HSD3B7: variants seen among roughly 807,000 people sequenced by gnomAD.
HSD3B7 encodes hydroxy-delta-5-steroid dehydrogenase, 3 beta- and steroid delta-isomerase 7.
Under a neutral mutation model 34.3 loss-of-function variants are expected in HSD3B7, and 35 were observed. That is an observed-to-expected ratio of 1.02 (90% confidence interval 0.78 to 1.35). HSD3B7 has a LOEUF of 1.35. Ranked by LOEUF, HSD3B7 falls within the 40% of genes most tolerant of loss-of-function variation. The pLI, the probability that HSD3B7 is intolerant of heterozygous loss-of-function variation, is 0.00. For missense variants in HSD3B7, 426 were observed against 504.7 expected (o/e 0.84, Z 1.49); for synonymous variants, 217 against 220.1 (o/e 0.99, Z 0.13).
At chr16:30,985,993 G>A in intron 2 of HSD3B7, 56 bp from the exon 3 acceptor site, 1 of 1,598,446 alleles carries the variant, frequency 6.3e-7, no homozygotes, top group Non-Finnish European at 8.5e-7. Context: ...GATGAACCCA[G>A]CCTCTGGCCT....
Position 30,988,139 on chromosome 16 carries a change from C to T in HSD3B7, c.1066C>T (p.Arg356Cys), listed in dbSNP as rs1467691060. The T allele has an allele frequency of 1.5e-5, 24 of 1,607,106 alleles. No homozygotes were observed. The highest frequency in any genetic ancestry group is 2.2e-5 in the South Asian group (2 of 90,844). ...GTTCTCGTGGGAGGATAGCCGGACC[C>T]GTACCATTCTCTGGGTACAGGCCGC... ...PLFSWEDSRT[R>C]TILWVQAATG... is the part of the protein sequence containing the mutation. Residue 356 changes from arginine (R) to cysteine (C), a missense_variant, in exon 7 of 7, where the codon CGT becomes TGT. Arg to Cys is a radical substitution (Grantham distance 180). Transcript: ENST00000297679.
At position 30,986,182 on chromosome 16, in the gene HSD3B7, C is replaced by T; in HGVS notation, c.300C>T (p.Thr100=). Residue 100 remains threonine, a synonymous_variant, in exon 3 of 7, where the codon ACC becomes ACT. Coordinates refer to ENST00000297679, the MANE Select transcript of HSD3B7 (RefSeq NM_025193.4). Reference sequence around the variant, plus strand: ...TGTTTGGCAGGGCCAGTCCCAAGACCATCCATGAGGTCAACGTGCAGGGTG... The same window carrying T: ...TGTTTGGCAGGGCCAGTCCCAAGACTATCCATGAGGTCAACGTGCAGGGTG... ...VDVFGRASPK[T]IHEVNVQGTR... The T allele has an allele frequency of 6.2e-7, 1 of 1,614,070 alleles. No homozygotes were observed. Among genetic ancestry groups the T allele is most frequent in the Middle Eastern group, 1.6e-4 (1 of 6,062 alleles).
At position 30,986,303 on chromosome 16, in the gene HSD3B7, T is replaced by C. The variant is rs946301407; in HGVS notation, c.322+99T>C. 68 of 1,555,496 alleles carry C rather than the reference T, an allele frequency of 4.4e-5. 1 individual carries two copies. Among genetic ancestry groups the C allele is most frequent in the Middle Eastern group, 3.3e-4 (2 of 5,992 alleles). ...GACTCCCCTGGGACAAGTTGTCCTATTGACAGCCCTGCCCCCGCCTCCCCT... is the reference window on the plus strand; with the variant it reads ...GACTCCCCTGGGACAAGTTGTCCTACTGACAGCCCTGCCCCCGCCTCCCCT... On this transcript the variant is annotated intron_variant, in intron 3 of 6. Transcript: ENST00000297679.
In HSD3B7 at chr16:30,988,454, T is replaced by C; in HGVS notation, c.*271T>C. 2.2e-6 allele frequency: 1 copy of C among 454,244 alleles called. No homozygotes were observed. The allele number at this position is 454,244 out of a possible 1,614,324, so 28.1% of individuals were successfully genotyped here. A position where few individuals can be genotyped will look rare whatever the true frequency, so the allele number is the denominator to read the frequency against. ...TTCAAGCAATCCTCCTGCCTCAGCC[T>C]CCTGAACAGCTGGGACCACAGGTGC... On this transcript the variant is annotated 3_prime_UTR_variant, in exon 7 of 7. Coordinates refer to ENST00000297679, the MANE Select transcript of HSD3B7 (RefSeq NM_025193.4).
At chr16:30,985,551 G>T in intron 1 of HSD3B7, 102 bp from the exon 2 acceptor site, 1 of 1,531,748 alleles carries the variant, frequency 6.5e-7, no homozygotes, top group Non-Finnish European at 8.7e-7. Context: ...TGCCCTCCCC[G>T]CAAACGCCAG....
At chr16:30,985,915 T>TG in intron 2 of HSD3B7, 91 bp downstream of exon 2, 1 of 1,581,880 alleles carries the variant, frequency 6.3e-7, no homozygotes, top group Non-Finnish European at 8.6e-7. Flanking sequence ...GTGGAACAGA[T>TG]GATGCTGGTT....
At chr16:30,987,142 A>C (rs1354080146) in intron 6 of HSD3B7, 140 bp downstream of exon 6, 1 of 827,834 alleles carries the variant, frequency 1.2e-6, no homozygotes, top group African/African-American at 1.7e-5. Context: ...GCCAAGGTAG[A>C]CTGTGATTAT....
intron 1 of HSD3B7, 113 bp from the exon 2 acceptor site, chr16:30,985,540 C>G (rs546794537): frequency 2.9e-4 from 437 of 1,530,736 alleles, no homozygotes; most frequent in Non-Finnish European, 3.5e-4. Context: ...AGGATCAGCT[C>G]TGCCCTCCCC....
In HSD3B7 at chr16:30,988,478, G is replaced by A; in HGVS notation, c.*295G>A. On this transcript the variant is annotated 3_prime_UTR_variant, in exon 7 of 7. Transcript: ENST00000297679. Reference sequence around the variant, plus strand: ...CTCCTGAACAGCTGGGACCACAGGTGCACGCCACCACACCTGGCTTTTTTT... The same window carrying A: ...CTCCTGAACAGCTGGGACCACAGGTACACGCCACCACACCTGGCTTTTTTT... 1.6e-5 allele frequency: 6 copies of A among 375,802 alleles called. No individual in the cohort carries two copies. Among genetic ancestry groups the A allele is most frequent in the East Asian group, 4.9e-5 (1 of 20,604 alleles). The allele number at this position is 375,802 out of a possible 1,614,324, so 23.3% of individuals were successfully genotyped here. A position where few individuals can be genotyped will look rare whatever the true frequency, so the allele number is the denominator to read the frequency against.
chr16:30,988,891 G>GGTGCAGA lies in HSD3B7; in HGVS notation c.*717_*723dup, dbSNP rs1210649735. 3 of 152,370 alleles carry GGTGCAGA rather than the reference G, an allele frequency of 2.0e-5. No individual in the cohort carries two copies. The highest frequency in any genetic ancestry group is 2.9e-5 in the Non-Finnish European group (2 of 68,176). The allele number at this position is 152,370 out of a possible 1,614,324, so 9.4% of individuals were successfully genotyped here. ...CTCCTGACAGCCACACGCGACCCTC[G>GGTGCAGA]GTGCAGAGTGCAGAGGCGGCTCTGG... On this transcript the variant is annotated 3_prime_UTR_variant, in exon 7 of 7. Transcript: ENST00000297679.
intron 1 of HSD3B7, 41 bp downstream of exon 1, chr16:30,985,338 C>T: frequency 8.0e-7 from 1 of 1,254,088 alleles, no homozygotes; most frequent in Non-Finnish European, 1.0e-6. Context: ...GCCTTTCCCT[C>T]CATCCGGCCC....
At position 30,988,210 on chromosome 16, in the gene HSD3B7, G is replaced by T; in HGVS notation, c.*27G>T. On this transcript the variant is annotated 3_prime_UTR_variant, in exon 7 of 7. Transcript: ENST00000297679. ...GGTGGGGCTGGGGCCTGGAGGCCCA[G>T]ATACAGCACATCCACCCAGGTCCCG... 1.3e-6 allele frequency: 2 copies of T among 1,566,956 alleles called. No homozygotes were observed. The highest frequency in any genetic ancestry group is 1.2e-5 in the South Asian group (1 of 86,782).
chr16:30,986,751 C>T (rs964665017), intron 5 of HSD3B7, 47 bp downstream of exon 5: 3 of 1,610,510 alleles, frequency 1.9e-6, no homozygotes, highest in African/African-American at 1.3e-5. Flanking sequence ...CTGCCCTGCA[C>T]ACCCCCTTAC....
At chr16:30,987,031 T>A (rs1270523203) in intron 6 of HSD3B7, 29 bp downstream of exon 6, 8 of 1,596,194 alleles carry the variant, frequency 5.0e-6, no homozygotes, top group Non-Finnish European at 6.0e-6. Flanking sequence ...AGGGGGAGGC[T>A]GAGAATATGG....
At chr16:30,986,277 T>C in intron 3 of HSD3B7, 73 bp downstream of exon 3, 1 of 1,578,454 alleles carries the variant, frequency 6.3e-7, no homozygotes, top group Non-Finnish European at 8.6e-7. Context: ...TGACCTCCGG[T>C]GACTCCCCTG....
Position 30,986,543 on chromosome 16 carries a change from G to A in HSD3B7, c.431+12G>A, listed in dbSNP as rs1221352729. The A allele has an allele frequency of 3.1e-6, 5 of 1,612,950 alleles. No individual in the cohort carries two copies. The highest frequency in any genetic ancestry group is 2.2e-5 in the East Asian group (1 of 44,880). On this transcript the variant is annotated intron_variant, in intron 4 of 6. Coordinates refer to ENST00000297679, the MANE Select transcript of HSD3B7 (RefSeq NM_025193.4). ...CACCCCTTCTACAGGTGAGTGGCAG[G>A]CCCTCTTGTCCTCTAAGAGCCCATT...
chr16:30,988,479 C>G lies in HSD3B7; in HGVS notation c.*296C>G, dbSNP rs560267801. ...TCCTGAACAGCTGGGACCACAGGTG[C>G]ACGCCACCACACCTGGCTTTTTTTT... is the stretch of plus-strand genomic sequence containing the variant. On this transcript the variant is annotated 3_prime_UTR_variant, in exon 7 of 7. Transcript: ENST00000297679. The G allele has an allele frequency of 2.7e-6, 1 of 368,012 alleles. No homozygotes were observed. The highest frequency in any genetic ancestry group is 2.0e-5 in the African/African-American group (1 of 49,256). 22.8% of individuals were successfully genotyped at this position (368,012 alleles called of 1,614,324 possible).
rs747728878 is a variant in HSD3B7, at chr16:30,985,928, T to A, written c.166+104T>A. 3.2e-6 allele frequency: 5 copies of A among 1,580,868 alleles called. No homozygotes were observed. The South Asian group carries it at 5.7e-5, about 18-fold the overall frequency. On this transcript the variant is annotated intron_variant, in intron 2 of 6. Coordinates refer to ENST00000297679, the MANE Select transcript of HSD3B7 (RefSeq NM_025193.4). ...CAGTGGAACAGATGATGCTGGTTTC[T>A]GTCCACATGGATGGGTCGAGTGAGT...
Position 30,986,198 on chromosome 16 carries a change from G to C in HSD3B7, c.316G>C (p.Val106Leu). 1 of 1,613,918 alleles carries C rather than the reference G, an allele frequency of 6.2e-7. No individual in the cohort carries two copies. Among genetic ancestry groups the C allele is most frequent in the South Asian group, 1.1e-5 (1 of 91,016 alleles). Reference sequence around the variant, plus strand: ...TCCCAAGACCATCCATGAGGTCAACGTGCAGGGTGAGGAGCTCTGGACACT... The same window carrying C: ...TCCCAAGACCATCCATGAGGTCAACCTGCAGGGTGAGGAGCTCTGGACACT... The part of the protein sequence containing the change: ...ASPKTIHEVN[V>L]QGTRNVIEAC... Residue 106 changes from valine to leucine, a missense_variant, in exon 3 of 7, where the codon GTG becomes CTG. Transcript: ENST00000297679.
Sources: allele counts gnomAD v4.1 joint callset, GRCh38; gene constraint gnomAD v4.1.1; transcripts MANE v1.5; gene names NCBI Gene and HGNC (gene_info 2026-07-23, HGNC 2026-07-21).